MDGA2: variants seen among roughly 807,000 people sequenced by gnomAD.
MDGA2 encodes MAM domain containing glycosylphosphatidylinositol anchor 2, also known as MAM domain-containing glycosylphosphatidylinositol anchor protein 2.
In MDGA2, 40 loss-of-function variants were observed where a neutral mutation model predicts 117.8. That is an observed-to-expected ratio of 0.34 (90% CI 0.26 to 0.44). The LOEUF (loss-of-function observed/expected upper bound fraction) is 0.44, where lower values mean the gene tolerates loss of function less well. MDGA2 is among the 20% of genes least tolerant of loss of function. The pLI is 1.00. For missense variants in MDGA2, 1,123 were observed against 1,250.6 expected, an observed-to-expected ratio of 0.90 and a Z score of 1.54; for synonymous variants, 452 against 439.0, an observed-to-expected ratio of 1.03 and a Z score of -0.37.
intron 1 of MDGA2, among the ~76,000 whole-genome samples, chr14:47,522,372 T>TGTGTATATATATACAC (rs60971088): frequency 1.6e-4 from 24 of 150,234 alleles, no homozygotes; most frequent in African/African-American, 5.8e-4. Context: ...TGTGTATATA[T>TGTGTATATATATACAC]ACACACACAC....
At chr14:47,411,051 G>A (rs564294949) in intron 1 of MDGA2, among the ~76,000 whole-genome samples, 1 of 152,226 alleles carries the variant, frequency 6.6e-6, no homozygotes, top group Non-Finnish European at 1.5e-5. Context: ...TAGTGTAGGA[G>A]AATTAATCTG....
chr14:46,903,313 G>A (rs1366687895), intron 10 of MDGA2, among the ~76,000 whole-genome samples: 4 of 152,102 alleles, frequency 2.6e-5, no homozygotes, highest in Non-Finnish European at 5.9e-5. Flanking sequence ...ACAGAAAGGG[G>A]TATGGGGTTG....
At chr14:47,233,642 C>G (rs750879850) in intron 2 of MDGA2, among the ~76,000 whole-genome samples, 1 of 151,866 alleles carries the variant, frequency 6.6e-6, no homozygotes, top group Non-Finnish European at 1.5e-5. Context: ...TCCTAAAATT[C>G]AAAGAAAAAG....
chr14:47,495,700 A>C (rs539714490), intron 1 of MDGA2, among the ~76,000 whole-genome samples: 1 of 152,300 alleles, frequency 6.6e-6, no homozygotes, highest in Admixed American at 6.5e-5. Context: ...GTTATGTCTA[A>C]TGCTGTTGAA....
intron 1 of MDGA2, among the ~76,000 whole-genome samples, chr14:47,393,604 A>T (rs1219936828): frequency 6.6e-6 from 1 of 152,072 alleles, no homozygotes; most frequent in Non-Finnish European, 1.5e-5. Context: ...GTTTCCAAGG[A>T]CCAGCCTCTG....
chr14:47,415,947 T>A (rs181038080), intron 1 of MDGA2, among the ~76,000 whole-genome samples: 41 of 152,278 alleles, frequency 2.7e-4, no homozygotes, highest in African/African-American at 9.1e-4. Context: ...GTAAATACTA[T>A]CACCTTCATG....
chr14:46,855,439 C>T lies in MDGA2; in HGVS notation c.2753-285G>A, dbSNP rs1045879446. ...ATTATTCTAGATTATTAGGGTGAGTCCTAAATGCAATTACATATAGCTTTA... is the reference window on the plus strand; with the variant it reads ...ATTATTCTAGATTATTAGGGTGAGTTCTAAATGCAATTACATATAGCTTTA... On this transcript the variant is annotated intron_variant, in intron 14 of 16. Coordinates refer to ENST00000399232, the MANE Select transcript of MDGA2 (RefSeq NM_001113498.3). This position sits in a 1 kb window ranked among gnomAD's most constrained non-coding sequence, Gnocchi z 4.1. Among the ~76,000 whole-genome samples, 6 of 152,002 alleles carry T rather than the reference C, an allele frequency of 3.9e-5. No individual in the cohort carries two copies. Among genetic ancestry groups the T allele is most frequent in the Non-Finnish European group, 7.4e-5 (5 of 67,994 alleles).
chr14:47,660,615 G>A (rs1210906519), intron 1 of MDGA2, among the ~76,000 whole-genome samples: 1 of 152,150 alleles, frequency 6.6e-6, no homozygotes, highest in Non-Finnish European at 1.5e-5. Flanking sequence ...TTAACTCTGC[G>A]CGAAAAATGC....
At chr14:47,115,431 G>T (rs1410837308) in intron 5 of MDGA2, among the ~76,000 whole-genome samples, 1 of 151,948 alleles carries the variant, frequency 6.6e-6, no homozygotes, top group Non-Finnish European at 1.5e-5. Flanking sequence ...CCTTCCCTAA[G>T]AAACCCGAGA....
intron 1 of MDGA2, among the ~76,000 whole-genome samples, chr14:47,438,721 G>C (rs1214269922): frequency 6.6e-6 from 1 of 152,132 alleles, no homozygotes; most frequent in Admixed American, 6.6e-5. Flanking sequence ...GTTAGGACCT[G>C]ATTCATTAGC....
At chr14:47,239,549 T>G (rs994687461) in intron 2 of MDGA2, among the ~76,000 whole-genome samples, 1 of 151,824 alleles carries the variant, frequency 6.6e-6, no homozygotes, top group African/African-American at 2.4e-5. Flanking sequence ...GGCATACAAT[T>G]TTAATTGAAG....
rs569049019 is a variant in MDGA2 at position 47,326,745 on chromosome 14, G to C, written c.281-25195C>G. Among the ~76,000 whole-genome samples the C allele has an allele frequency of 6.6e-4, 101 of 151,892 alleles. 1 individual carries two copies. Among genetic ancestry groups the C allele is most frequent in the African/African-American group, 1.8e-3 (76 of 41,432 alleles). ...TTCTAAACTCTTAATCACACACACAGAGAGAAATTCAGGGAAATTGGTTAT... is the reference window on the plus strand; with the variant it reads ...TTCTAAACTCTTAATCACACACACACAGAGAAATTCAGGGAAATTGGTTAT... On this transcript the variant is annotated intron_variant, in intron 1 of 16. Transcript: ENST00000399232.
chr14:47,329,136 T>A (rs944073075), intron 1 of MDGA2, among the ~76,000 whole-genome samples: 3 of 152,144 alleles, frequency 2.0e-5, no homozygotes, highest in African/African-American at 7.2e-5. Context: ...TTCACCATGT[T>A]GCCCAGGTTG....
chr14:47,402,952 A>C (rs1048782342), intron 1 of MDGA2, among the ~76,000 whole-genome samples: 2 of 152,126 alleles, frequency 1.3e-5, no homozygotes, highest in Non-Finnish European at 2.9e-5. Context: ...GGCATTTGGC[A>C]CCATCACTTA....
intron 6 of MDGA2, among the ~76,000 whole-genome samples, chr14:47,066,976 G>A (rs572904309): frequency 5.7e-4 from 86 of 152,106 alleles, no homozygotes; most frequent in Non-Finnish European, 1.1e-3. Flanking sequence ...TTAGCTAGGC[G>A]TGGTGGCAGG....
intron 3 of MDGA2, among the ~76,000 whole-genome samples, chr14:47,194,752 CTCTCTCACTCTCTCTT>C (rs889554587): frequency 1.3e-5 from 2 of 151,700 alleles, no homozygotes; most frequent in African/African-American, 4.8e-5. Flanking sequence ...CTCACTCTCT[CTCTCTCACTCTCTCTT>C]TCTCTCTCAC....
intron 2 of MDGA2, among the ~76,000 whole-genome samples, chr14:47,294,600 T>TA (rs1889001410): frequency 6.6e-6 from 1 of 151,910 alleles, no homozygotes; most frequent in African/African-American, 2.4e-5. Context: ...CAAAAAAGAA[T>TA]TAATATAATA....
chr14:47,273,983 T>G (rs1055851753), intron 2 of MDGA2, among the ~76,000 whole-genome samples: 16 of 152,098 alleles, frequency 1.1e-4, no homozygotes, highest in African/African-American at 3.9e-4. Flanking sequence ...GAGCTCAAAT[T>G]GAGTTTCAGA....
chr14:47,270,749 G>A (rs1441128520), intron 2 of MDGA2, among the ~76,000 whole-genome samples: 1 of 152,114 alleles, frequency 6.6e-6, no homozygotes, highest in Non-Finnish European at 1.5e-5. Context: ...ATTTATGCTT[G>A]GAATAGGCTG....
Sources: allele counts gnomAD v4.1 joint callset (sites outside exome capture counted in the v4.1 genomes callset), GRCh38; gene constraint gnomAD v4.1.1; non-coding constraint Gnocchi (gnomAD v3.1); transcripts MANE v1.5; gene names NCBI Gene and HGNC (gene_info 2026-07-23, HGNC 2026-07-21).